Variants in CALHM4 observed in about 807,000 individuals in gnomAD.
The protein encoded by CALHM4 is calcium homeostasis modulator protein 4.
In CALHM4, 16 loss-of-function variants were observed where a neutral mutation model predicts 13.3. The observed-to-expected ratio is 1.20, with a 90% CI of 0.81 to 1.82. The LOEUF is 1.82. CALHM4 is among the 40% of genes most tolerant of loss of function. The pLI, the probability that CALHM4 is intolerant of heterozygous loss-of-function variation, is 0.00. For synonymous variants in CALHM4, 127 were observed against 137.1 expected (o/e 0.93, Z 0.52); for missense variants, 344 against 374.9 (o/e 0.92, Z 0.68).
chr6:116,553,002 A>C (rs1014175328), upstream of CALHM4, among the ~76,000 whole-genome samples: 1 of 152,188 alleles, frequency 6.6e-6, no homozygotes, highest in Non-Finnish European at 1.5e-5. Context: ...TGAACCCGGG[A>C]GGCGGAGCTT....
intron 1 of CALHM4, among the ~76,000 whole-genome samples, chr6:116,530,248 C>T (rs990675430): frequency 6.6e-6 from 1 of 151,912 alleles, no homozygotes; most frequent in African/African-American, 2.4e-5. Context: ...AAGGAAAAAA[C>T]AGCCTAAGAT....
intron 1 of CALHM4, among the ~76,000 whole-genome samples, chr6:116,534,179 A>G (rs764309199): frequency 7.2e-5 from 11 of 151,754 alleles, no homozygotes; most frequent in Non-Finnish European, 1.5e-4. Context: ...TCAACCTTTC[A>G]TTTTGAAATG....
rs553958458 is a variant in CALHM4 at position 116,560,190 on chromosome 6, C to G, written c.*1979C>G. Reference sequence around the variant, plus strand: ...ATAACTGATAATTTTTTATATTCTTCTGTATTGGAACATACTAGTTAAATG... The same window carrying G: ...ATAACTGATAATTTTTTATATTCTTGTGTATTGGAACATACTAGTTAAATG... On this transcript the variant is annotated 3_prime_UTR_variant, in exon 2 of 2. Transcript: ENST00000368596. Among the ~76,000 whole-genome samples the G allele has an allele frequency of 2.6e-5, 4 of 152,266 alleles. No individual in the cohort carries two copies. The South Asian group carries it at 6.2e-4, about 24-fold the overall frequency.
At chr6:116,530,840 A>C (rs1047887986) in intron 1 of CALHM4, among the ~76,000 whole-genome samples, 1 of 149,860 alleles carries the variant, frequency 6.7e-6, no homozygotes, top group African/African-American at 2.4e-5. Context: ...ACAAAGAAAA[A>C]CAAACACCAG....
exon 2 of CALHM4, chr6:116,543,820 C>T (rs899196835): frequency 6.5e-7 from 1 of 1,534,172 alleles, no homozygotes. Context: ...CCTAATGGCC[C>T]CCAGATCTGC....
intron 1 of CALHM4, among the ~76,000 whole-genome samples, chr6:116,534,770 T>A (rs1371076036): frequency 7.4e-6 from 1 of 136,040 alleles, no homozygotes; most frequent in Non-Finnish European, 1.6e-5. Flanking sequence ...TAAGGTAAAA[T>A]TTCAATTTAT....
intron 1 of CALHM4, among the ~76,000 whole-genome samples, chr6:116,535,058 C>T (rs568775779): frequency 4.6e-5 from 7 of 152,222 alleles, no homozygotes; most frequent in South Asian, 4.1e-4. Flanking sequence ...TGTGCAAGGC[C>T]GAGCAGTTAT....
At chr6:116,552,532 A>G (rs1229720136), upstream of CALHM4, among the ~76,000 whole-genome samples, 2 of 152,048 alleles carry the variant, frequency 1.3e-5, no homozygotes, top group Non-Finnish European at 2.9e-5. Flanking sequence ...TAATTATTTT[A>G]TTTCTTTGTC....
chr6:116,539,916 C>T (rs558941803), intron 1 of CALHM4, among the ~76,000 whole-genome samples: 1 of 152,150 alleles, frequency 6.6e-6, no homozygotes, highest in Non-Finnish European at 1.5e-5. Context: ...GTTCTTAGAA[C>T]AAATATATTT....
chr6:116,546,769 T>C (rs1156287709), intron 2 of CALHM4, among the ~76,000 whole-genome samples: 1 of 152,132 alleles, frequency 6.6e-6, no homozygotes, highest in Non-Finnish European at 1.5e-5. Context: ...ATTCTTGTGG[T>C]TGGATAAATT....
In CALHM4 at chr6:116,540,445, G is replaced by T. The variant is rs1416406707; in HGVS notation, c.-108-3320G>T. On this transcript the variant is annotated intron_variant, in intron 1 of 2. Transcript: ENST00000368597. ...AGCCAAAAAGTCTTCCACAAGCCGC[G>T]TTCCAATGCCGTAACCCCTGTGGAT... 3.2e-6 allele frequency: 5 copies of T among 1,551,266 alleles called. 1 individual carries two copies. The highest frequency in any genetic ancestry group is 3.3e-4 in the Middle Eastern group (2 of 5,988).
intron 1 of CALHM4, among the ~76,000 whole-genome samples, chr6:116,542,175 C>A (rs957446946): frequency 2.6e-5 from 4 of 152,010 alleles, no homozygotes; most frequent in African/African-American, 9.7e-5. Flanking sequence ...CGTAAAATAA[C>A]CTTAACATTC....
At chr6:116,543,710 T>A in intron 1 of CALHM4, 1 of 988,966 alleles carries the variant, frequency 1.0e-6, no homozygotes, top group Non-Finnish European at 1.5e-6. Flanking sequence ...TTAAAAATAC[T>A]AATTTCTAAC....
Position 116,553,822 on chromosome 6 carries a change from C to T in CALHM4, c.29C>T (p.Ser10Phe). Residue 10 changes from serine to phenylalanine, a missense_variant, in exon 1 of 2, where the codon TCT (serine) becomes TTT (phenylalanine). Transcript: ENST00000368596. MCPTLNNIVSSLQRNGIFIN... is the reference protein window; with the variant it reads MCPTLNNIVFSLQRNGIFIN... ...TGCCCAACTCTCAACAATATTGTGT[C>T]TTCTCTGCAGAGAAATGGAATATTT... 6.4e-7 allele frequency: 1 copy of T among 1,550,572 alleles called. No individual in the cohort carries two copies. The highest frequency in any genetic ancestry group is 8.7e-7 in the Non-Finnish European group (1 of 1,146,966).
intron 1 of CALHM4, among the ~76,000 whole-genome samples, chr6:116,538,617 A>C (rs1278340795): frequency 6.6e-6 from 1 of 152,230 alleles, no homozygotes; most frequent in Admixed American, 6.5e-5. Context: ...AAAGCCTAAT[A>C]AACAACCTTA....
At chr6:116,536,188 G>T (rs1312205155) in intron 1 of CALHM4, among the ~76,000 whole-genome samples, 1 of 152,054 alleles carries the variant, frequency 6.6e-6, no homozygotes, top group Non-Finnish European at 1.5e-5. Flanking sequence ...TTTTAAAAAT[G>T]GATGAATTTT....
chr6:116,533,832 C>A (rs1772900563), intron 1 of CALHM4, among the ~76,000 whole-genome samples: 1 of 152,190 alleles, frequency 6.6e-6, no homozygotes, highest in South Asian at 2.1e-4. Flanking sequence ...TACCCAGTGG[C>A]CTTTCCTTCC....
At chr6:116,529,993 C>T (rs73769119) in intron 1 of CALHM4, among the ~76,000 whole-genome samples, 5,590 of 152,164 alleles carry the variant, frequency 0.037, 336 homozygotes, top group African/African-American at 0.13. Flanking sequence ...AAAAAAAATG[C>T]CTCCCCATTT....
intron 2 of CALHM4, chr6:116,545,466 A>C: frequency 6.5e-7 from 1 of 1,543,740 alleles, no homozygotes; most frequent in Non-Finnish European, 8.8e-7. Flanking sequence ...TTGTAGAAAG[A>C]TCTTACTATT....
Sources: allele counts gnomAD v4.1 joint callset (sites outside exome capture counted in the v4.1 genomes callset), GRCh38; gene constraint gnomAD v4.1.1; transcripts MANE v1.5; gene names NCBI Gene and HGNC (gene_info 2026-07-23, HGNC 2026-07-21).